The following GARIN2 variants were observed in gnomAD, a reference collection of about 807,000 sequenced individuals.
The protein encoded by GARIN2 is golgi associated RAB2 interactor family member 2.
chr14:67,212,967 A>C, the GARIN2 span, among the ~76,000 whole-genome samples: 1 of 151,710 alleles, frequency 6.6e-6, no homozygotes, highest in Non-Finnish European at 1.5e-5. Flanking sequence ...TTTCTATATG[A>C]GTTGTTCTCA....
the GARIN2 span, chr14:67,221,813 G>C: frequency 6.2e-7 from 1 of 1,612,664 alleles, no homozygotes; most frequent in Non-Finnish European, 8.5e-7. Flanking sequence ...TTCAGGTATG[G>C]AACAAATTCC....
chr14:67,214,975 A>G, the GARIN2 span, among the ~76,000 whole-genome samples: 2 of 152,006 alleles, frequency 1.3e-5, no homozygotes, highest in Admixed American at 6.6e-5. Context: ...TTTGTCTGTT[A>G]TTGGTGTATA....
the GARIN2 span, chr14:67,199,207 T>C: frequency 6.2e-7 from 1 of 1,606,958 alleles, no homozygotes; most frequent in South Asian, 1.1e-5. Flanking sequence ...AAGGATAGAG[T>C]CACTGGCCAG....
At chr14:67,198,307 G>T in the GARIN2 span, 4 of 1,613,142 alleles carry the variant, frequency 2.5e-6, no homozygotes, top group South Asian at 4.4e-5. Flanking sequence ...ATGTTAGAGA[G>T]CAATTTTATC....
At chr14:67,193,588 T>C in the GARIN2 span, among the ~76,000 whole-genome samples, 1 of 143,562 alleles carries the variant, frequency 7.0e-6, no homozygotes, top group Non-Finnish European at 1.5e-5. Flanking sequence ...TATATAGATA[T>C]AGATATATAT....
the GARIN2 span, chr14:67,201,370 G>A: frequency 2.3e-6 from 1 of 443,088 alleles, no homozygotes; most frequent in African/African-American, 2.0e-5. Context: ...AGAGCCCCAG[G>A]GCATCAGCTC....
chr14:67,224,259 C>CTTTT, the GARIN2 span, among the ~76,000 whole-genome samples: 1 of 134,800 alleles, frequency 7.4e-6, no homozygotes, highest in Admixed American at 7.5e-5. Context: ...TCTCTCTTTT[C>CTTTT]TTTTTTTTTT....
At chr14:67,218,539 T>G in the GARIN2 span, among the ~76,000 whole-genome samples, 1 of 152,202 alleles carries the variant, frequency 6.6e-6, no homozygotes, top group East Asian at 1.9e-4. Context: ...CTTATGGGAC[T>G]GTTTCTCTGG....
the GARIN2 span, among the ~76,000 whole-genome samples, chr14:67,203,837 G>A: frequency 5.4e-3 from 823 of 152,164 alleles, 7 homozygotes; most frequent in African/African-American, 0.018. Context: ...TCAGCCTCCC[G>A]AGTATCTGGG....
At chr14:67,201,641 T>C in the GARIN2 span, 5 of 417,074 alleles carry the variant, frequency 1.2e-5, no homozygotes, top group Non-Finnish European at 2.4e-5. Flanking sequence ...CCACTACCCA[T>C]TTAAGTTAAT....
At chr14:67,225,928 T>A in the GARIN2 span, among the ~76,000 whole-genome samples, 2 of 104,548 alleles carry the variant, frequency 1.9e-5, no homozygotes, top group African/African-American at 1.4e-4. Flanking sequence ...ATGCTGTGAG[T>A]GTGTGTGTGT....
the GARIN2 span, chr14:67,208,496 T>G: frequency 6.3e-7 from 1 of 1,577,388 alleles, no homozygotes; most frequent in Non-Finnish European, 8.6e-7. Flanking sequence ...ACATGAAATA[T>G]TAATAAAGAA....
At chr14:67,192,874 A>ATAGATATATATCTAGATATCGATATC in the GARIN2 span, among the ~76,000 whole-genome samples, 2 of 146,648 alleles carry the variant, frequency 1.4e-5, no homozygotes, top group South Asian at 2.1e-4. Flanking sequence ...ATATAGATAT[A>ATAGATATATATCTAGATATCGATATC]TAGATATATA....
At chr14:67,221,822 C>CATATGAT in the GARIN2 span, 1 of 1,612,210 alleles carries the variant, frequency 6.2e-7, no homozygotes, top group African/African-American at 1.3e-5. Context: ...GGAACAAATT[C>CATATGAT]CACTACATGT....
At chr14:67,216,434 T>G in the GARIN2 span, among the ~76,000 whole-genome samples, 1 of 152,174 alleles carries the variant, frequency 6.6e-6, no homozygotes, top group African/African-American at 2.4e-5. Flanking sequence ...TTATTTCTTC[T>G]ACTAATTTTG....
chr14:67,223,529 A>G, the GARIN2 span, among the ~76,000 whole-genome samples: 1 of 152,232 alleles, frequency 6.6e-6, no homozygotes, highest in African/African-American at 2.4e-5. Flanking sequence ...TCTAGCAGGC[A>G]GCTTGAAATG....
the GARIN2 span, chr14:67,223,900 T>C: frequency 1.0e-6 from 1 of 985,532 alleles, no homozygotes; most frequent in Non-Finnish European, 1.2e-6. Flanking sequence ...TGAATCTTAA[T>C]ACCTCATTTT....
At chr14:67,199,982 A>G in the GARIN2 span, 19 of 1,125,012 alleles carry the variant, frequency 1.7e-5, no homozygotes, top group Non-Finnish European at 2.3e-5. Flanking sequence ...GGGATGTCTC[A>G]GATGCAGCTG....
the GARIN2 span, among the ~76,000 whole-genome samples, chr14:67,208,782 A>G: frequency 6.6e-6 from 1 of 152,064 alleles, no homozygotes; most frequent in Admixed American, 6.6e-5. Flanking sequence ...CTGTAATCCC[A>G]GCTACTCGGG....
Sources: gnomAD v4.1 joint callset for allele counts (sites outside exome capture counted in the v4.1 genomes callset) on GRCh38, gnomAD v4.1.1 for gene constraint, MANE v1.5 for transcripts, NCBI Gene and HGNC (gene_info 2026-07-23, HGNC 2026-07-21) for gene names.